RYR2: variants seen among roughly 807,000 people sequenced by gnomAD.
RYR2 encodes ryanodine receptor 2.
Under a neutral mutation model 601.1 loss-of-function variants are expected in RYR2, and 227 were observed. That is an observed-to-expected ratio of 0.38 (90% CI 0.34 to 0.42). The LOEUF (loss-of-function observed/expected upper bound fraction) is 0.42, where lower values mean the gene tolerates loss of function less well. Ranked by LOEUF, RYR2 falls within the 10% of genes least tolerant of loss-of-function variation. The pLI is 1.00. For missense variants in RYR2, 4,646 were observed against 6,156.5 expected (o/e 0.75, Z 8.21); for synonymous variants, 2,223 against 2,175.1 (o/e 1.02, Z -0.61).
intron 12 of RYR2, among the ~76,000 whole-genome samples, chr1:237,436,210 A>G (rs1707335115): frequency 6.6e-6 from 1 of 152,108 alleles, no homozygotes; most frequent in Non-Finnish European, 1.5e-5. Context: ...CATCTAAGGT[A>G]ACCTCATTGC....
At chr1:237,074,804 G>A (rs536741860) in intron 1 of RYR2, among the ~76,000 whole-genome samples, 86 of 152,338 alleles carry the variant, frequency 5.6e-4, no homozygotes, top group African/African-American at 2.0e-3. Flanking sequence ...TTACGTTGGT[G>A]TGACTGGAAC....
intron 101 of RYR2, among the ~76,000 whole-genome samples, chr1:237,820,259 T>C (rs1035405237): frequency 2.7e-5 from 4 of 149,852 alleles, no homozygotes; most frequent in African/African-American, 9.9e-5. Context: ...ACAGCTCCAG[T>C]CTGCAGCTCC....
intron 3 of RYR2, among the ~76,000 whole-genome samples, chr1:237,351,964 T>TA (rs1197246285): frequency 6.7e-6 from 1 of 150,002 alleles, no homozygotes; most frequent in East Asian, 2.0e-4. Context: ...CCCATTGACA[T>TA]ATCAACTCAA....
At chr1:237,434,817 T>G (rs1707178515) in intron 12 of RYR2, among the ~76,000 whole-genome samples, 1 of 152,110 alleles carries the variant, frequency 6.6e-6, no homozygotes, top group Non-Finnish European at 1.5e-5. Flanking sequence ...GCTCTGTCAC[T>G]CAGACTGGAG....
intron 79 of RYR2, among the ~76,000 whole-genome samples, chr1:237,734,580 T>G (rs1690974251): frequency 6.6e-6 from 1 of 152,194 alleles, no homozygotes; most frequent in African/African-American, 2.4e-5. Context: ...GAACCATGAG[T>G]TGGCCATGCA....
intron 1 of RYR2, among the ~76,000 whole-genome samples, chr1:237,151,347 C>A (rs899500059): frequency 1.2e-4 from 19 of 152,142 alleles, no homozygotes; most frequent in Non-Finnish European, 2.6e-4. Context: ...CTAACAGAGG[C>A]AGCCACCCAA....
intron 60 of RYR2, among the ~76,000 whole-genome samples, chr1:237,675,645 C>T (rs1685330139): frequency 6.6e-6 from 1 of 152,134 alleles, no homozygotes; most frequent in South Asian, 2.1e-4. Context: ...CTCCTTTTGT[C>T]ATTCAACACC....
intron 1 of RYR2, among the ~76,000 whole-genome samples, chr1:237,224,656 AAGACC>A (rs1283245772): frequency 6.6e-6 from 1 of 152,104 alleles, no homozygotes; most frequent in Non-Finnish European, 1.5e-5. Context: ...CCAATAGATC[AAGACC>A]AGCCTGTGCA....
At chr1:237,319,119 A>G (rs1350490079) in intron 2 of RYR2, among the ~76,000 whole-genome samples, 1 of 152,066 alleles carries the variant, frequency 6.6e-6, no homozygotes, top group Non-Finnish European at 1.5e-5. Flanking sequence ...TAGTTATTGT[A>G]TTCAAATACA....
intron 101 of RYR2, among the ~76,000 whole-genome samples, chr1:237,827,817 G>A (rs925196482): frequency 1.3e-5 from 2 of 151,030 alleles, no homozygotes; most frequent in Non-Finnish European, 2.9e-5. Flanking sequence ...TGTGCCTGTA[G>A]TCCCAGCTGC....
intron 11 of RYR2, among the ~76,000 whole-genome samples, chr1:237,419,947 C>T (rs1466465198): frequency 6.6e-6 from 1 of 151,820 alleles, no homozygotes; most frequent in Non-Finnish European, 1.5e-5. Context: ...AGTGAAGATC[C>T]TGCTTTTGTT....
intron 16 of RYR2, among the ~76,000 whole-genome samples, chr1:237,463,352 T>A (rs1436991872): frequency 6.6e-6 from 1 of 152,206 alleles, no homozygotes; most frequent in African/African-American, 2.4e-5. Flanking sequence ...AAAGTGAAGG[T>A]AATTTCTTGG....
chr1:237,411,283 T>C (rs1459796635), intron 10 of RYR2, among the ~76,000 whole-genome samples: 1 of 152,142 alleles, frequency 6.6e-6, no homozygotes. Context: ...GTGTTTATTA[T>C]TTTTTTAAAA....
intron 58 of RYR2, among the ~76,000 whole-genome samples, chr1:237,673,540 A>G (rs1685139923): frequency 6.6e-6 from 1 of 152,196 alleles, no homozygotes; most frequent in South Asian, 2.1e-4. Flanking sequence ...AGTATTAGAC[A>G]CTTAAGAGTG....
chr1:237,809,445 T>G (rs1023009516), intron 100 of RYR2, among the ~76,000 whole-genome samples: 1 of 152,202 alleles, frequency 6.6e-6, no homozygotes, highest in African/African-American at 2.4e-5. Flanking sequence ...GAACTACTGG[T>G]TTTTGCTTTT....
At chr1:237,402,868 A>G (rs1703494830) in intron 10 of RYR2, among the ~76,000 whole-genome samples, 2 of 11,290 alleles carry the variant, frequency 1.8e-4, no homozygotes, top group African/African-American at 3.6e-4. Context: ...TGCAGCCTCG[A>G]TGTCCTGGCC....
intron 29 of RYR2, among the ~76,000 whole-genome samples, chr1:237,578,222 A>T (rs1290467424): frequency 1.3e-5 from 2 of 152,162 alleles, no homozygotes; most frequent in South Asian, 4.1e-4. Flanking sequence ...ATAATTACTC[A>T]TGTTCCTGAT....
chr1:237,270,760 C>A, intron 2 of RYR2, 144 bp downstream of exon 2: 1 of 956,300 alleles, frequency 1.0e-6, no homozygotes, highest in Non-Finnish European at 1.5e-6. Context: ...CTCCATTTTG[C>A]TGATTTTTAA....
chr1:237,629,627 G>C (rs764313149), intron 41 of RYR2, among the ~76,000 whole-genome samples: 2 of 151,568 alleles, frequency 1.3e-5, no homozygotes, highest in Non-Finnish European at 2.9e-5. Context: ...TAGACCAAAA[G>C]AAACAATAAA....
Sources: gnomAD v4.1 joint callset for allele counts (sites outside exome capture counted in the v4.1 genomes callset) on GRCh38, gnomAD v4.1.1 for gene constraint, MANE v1.5 for transcripts, NCBI Gene and HGNC (gene_info 2026-07-23, HGNC 2026-07-21) for gene names.